GTF3C1: variants seen among roughly 807,000 people sequenced by gnomAD.
GTF3C1 encodes general transcription factor 3C polypeptide 1.
In GTF3C1, 57 loss-of-function variants were observed where a neutral mutation model predicts 226.7. The ratio of observed to expected loss-of-function variants is 0.25; its 90% CI spans 0.20 to 0.31. The LOEUF is 0.31. Ranked by LOEUF, GTF3C1 falls within the 10% of genes least tolerant of loss-of-function variation. The pLI is 1.00. For missense variants in GTF3C1, 2,217 were observed against 2,776.1 expected (o/e 0.80, Z 4.53); for synonymous variants, 1,090 against 1,084.8 (o/e 1.00, Z -0.09).
At position 27,533,369 on chromosome 16, in the gene GTF3C1, G is replaced by C. The variant is rs1567413412; in HGVS notation, c.771C>G (p.Ile257Met). 6.2e-7 allele frequency: 1 copy of C among 1,601,808 alleles called. No individual in the cohort carries two copies. The highest frequency in any genetic ancestry group is 8.6e-7 in the Non-Finnish European group (1 of 1,168,776). ...FHVDRRSKYD[I>M]LMEKLSVMLS... ...GCATGACCGAAAGCTTCTCCATGAG[G>C]ATGTCGTATTTGCTCCTCCTGCAAG... Residue 257 changes from isoleucine to methionine, a missense_variant, in exon 5 of 37, where the codon ATC (isoleucine) becomes ATG (methionine). Coordinates refer to ENST00000356183, the MANE Select transcript of GTF3C1 (RefSeq NM_001520.4).
In GTF3C1 at chr16:27,463,932, G is replaced by A. The variant is rs567505234; in HGVS notation, c.5873-340C>T. 15 of 413,704 alleles carry A rather than the reference G, an allele frequency of 3.6e-5. No homozygotes were observed. The East Asian group carries it at 4.9e-4, about 13-fold the overall frequency. The allele number at this position is 413,704 out of a possible 1,614,324, so 25.6% of individuals were successfully genotyped here. On this transcript the variant is annotated intron_variant, in intron 34 of 36. Transcript: ENST00000356183. This position sits in a 1 kb window ranked among gnomAD's most constrained non-coding sequence, Gnocchi z 4.9. ...AAAACACCCCAAAGAAAACAAAAAC[G>A]CCCAGAGAAGCCACATGAGAAGGCC... is the stretch of plus-strand genomic sequence containing the variant.
chr16:27,491,159 G>C (rs2088227575), intron 19 of GTF3C1, among the ~76,000 whole-genome samples: 1 of 152,126 alleles, frequency 6.6e-6, no homozygotes, highest in Admixed American at 6.5e-5. Flanking sequence ...TATTACTCTT[G>C]GCATTAAATA....
chr16:27,526,404 G>A (rs1273597608), intron 6 of GTF3C1, among the ~76,000 whole-genome samples: 1 of 152,142 alleles, frequency 6.6e-6, no homozygotes, highest in Non-Finnish European at 1.5e-5. Context: ...TCCTATCTCT[G>A]AGCCTAGAAA....
At chr16:27,480,517 G>A (rs750131987) in intron 27 of GTF3C1, among the ~76,000 whole-genome samples, 1 of 152,216 alleles carries the variant, frequency 6.6e-6, no homozygotes, top group Non-Finnish European at 1.5e-5. Flanking sequence ...TTCACAGGCA[G>A]AACTGATGGA....
intron 12 of GTF3C1, among the ~76,000 whole-genome samples, chr16:27,500,763 A>G (rs973291657): frequency 2.0e-5 from 3 of 152,240 alleles, no homozygotes; most frequent in Non-Finnish European, 4.4e-5. Flanking sequence ...TACTGCTCCC[A>G]TCGGATAACC....
intron 25 of GTF3C1, among the ~76,000 whole-genome samples, chr16:27,483,948 G>A (rs924487044): frequency 2.0e-5 from 3 of 152,022 alleles, no homozygotes; most frequent in African/African-American, 7.2e-5. Flanking sequence ...TCTAGTCTCC[G>A]CTTCTTCATC....
intron 2 of GTF3C1, among the ~76,000 whole-genome samples, chr16:27,543,429 T>C (rs2089118335): frequency 6.6e-6 from 1 of 152,120 alleles, no homozygotes; most frequent in Non-Finnish European, 1.5e-5. Flanking sequence ...CACGCTCTAT[T>C]GTCCAGACCG....
In GTF3C1 at chr16:27,495,217, C is replaced by T; in HGVS notation, c.2626G>A (p.Glu876Lys). Residue 876 changes from glutamate to lysine, a missense_variant, in exon 15 of 37, where the codon GAG becomes AAG. By Grantham distance (56) the Glu-to-Lys change is moderately conservative. Transcript: ENST00000356183. ...TWEAEVELAT[E>K]TVYVDDASWM... ...AGTGGCAGGGGCCTCTCACCTGTCT[C>T]CGTGGCAAGCTCCACTTCAGCCTCC... is the stretch of plus-strand genomic sequence containing the variant. The T allele has an allele frequency of 6.2e-7, 1 of 1,609,700 alleles. No homozygotes were observed. The highest frequency in any genetic ancestry group is 8.5e-7 in the Non-Finnish European group (1 of 1,177,388).
chr16:27,469,291 C>T lies in GTF3C1; in HGVS notation c.5074G>A (p.Ala1692Thr). Reference sequence around the variant, plus strand: ...CCACAGCACCAGCAGGAGCACTCACCAGCGGGCCTGAGCCGGGCGGGCACA... The same window carrying T: ...CCACAGCACCAGCAGGAGCACTCACTAGCGGGCCTGAGCCGGGCGGGCACA... ...TPVPARLRPAAAPLEELTMGT... is the reference protein window; with the variant it reads ...TPVPARLRPATAPLEELTMGT... Residue 1692 changes from alanine (A) to threonine (T), a missense_variant and splice_region_variant, in exon 32 of 37, where the codon GCC becomes ACC. By Grantham distance (58) the Ala-to-Thr change is moderately conservative. This residue lies in a region of GTF3C1 where 455 missense variants were observed against 441.9 expected (regional missense o/e 1.03). Coordinates refer to ENST00000356183, the MANE Select transcript of GTF3C1 (RefSeq NM_001520.4). This position sits in a 1 kb window ranked among gnomAD's most constrained non-coding sequence, Gnocchi z 4.5. 1 of 1,556,438 alleles carries T rather than the reference C, an allele frequency of 6.4e-7. No individual in the cohort carries two copies. Among genetic ancestry groups the T allele is most frequent in the Non-Finnish European group, 8.7e-7 (1 of 1,148,618 alleles).
intron 14 of GTF3C1, 93 bp downstream of exon 14, chr16:27,497,544 G>T: frequency 1.0e-6 from 1 of 990,296 alleles, no homozygotes; most frequent in Non-Finnish European, 1.5e-6. Context: ...ACTGCGGCTC[G>T]GAGCTCAAAT....
Position 27,471,687 on chromosome 16 carries a change from C to T in GTF3C1, c.4526+61G>A. The T allele has an allele frequency of 7.4e-7, 1 of 1,354,992 alleles. No homozygotes were observed. Among genetic ancestry groups the T allele is most frequent in the Admixed American group, 1.8e-5 (1 of 56,836 alleles). 83.9% of individuals were successfully genotyped at this position (1,354,992 alleles called of 1,614,324 possible). A position where few individuals can be genotyped will look rare whatever the true frequency, so the allele number is the denominator to read the frequency against. On this transcript the variant is annotated intron_variant, in intron 30 of 36. Transcript: ENST00000356183. The surrounding 1 kb of genome is among the most constrained non-coding windows in gnomAD (Gnocchi z 5.0). ...CATGGCCACAGTGCTTCCTTTGCTC[C>T]TCTTTACAGACAGGGCGTGGCTCCA...
At chr16:27,491,210 T>A (rs911108043) in intron 19 of GTF3C1, among the ~76,000 whole-genome samples, 2 of 152,118 alleles carry the variant, frequency 1.3e-5, no homozygotes, top group African/African-American at 4.8e-5. Flanking sequence ...TTTGCAAAAA[T>A]CAAAGTGTGA....
intron 12 of GTF3C1, among the ~76,000 whole-genome samples, chr16:27,499,195 T>G (rs2088367813): frequency 6.6e-6 from 1 of 152,368 alleles, no homozygotes; most frequent in East Asian, 1.9e-4. Flanking sequence ...ATGGGACTCC[T>G]GCCAGGCACA....
At chr16:27,477,214 T>C (rs532352039) in intron 28 of GTF3C1, among the ~76,000 whole-genome samples, 1 of 152,246 alleles carries the variant, frequency 6.6e-6, no homozygotes, top group East Asian at 1.9e-4. Flanking sequence ...CTCCTCTTCC[T>C]CTGTCCCTTC....
chr16:27,539,405 C>T (rs566091096), intron 2 of GTF3C1, among the ~76,000 whole-genome samples: 1 of 152,320 alleles, frequency 6.6e-6, no homozygotes, highest in African/African-American at 2.4e-5. Flanking sequence ...TGTGCTGACA[C>T]CTAACAGTCT....
rs141707059 is a variant in GTF3C1 at position 27,529,936 on chromosome 16, C to T, written c.850-1215G>A. 3.2e-4 allele frequency among the ~76,000 whole-genome samples: 48 copies of T among 152,340 alleles called. 1 individual carries two copies. Among genetic ancestry groups the T allele is most frequent in the African/African-American group, 8.7e-4 (36 of 41,574 alleles). On this transcript the variant is annotated intron_variant, in intron 5 of 36. Coordinates refer to ENST00000356183, the MANE Select transcript of GTF3C1 (RefSeq NM_001520.4). ...AGGAAAGTTAATTTCTTAAACCTAT[C>T]CTGTATCAAAAATTTATTTTATACA...
At position 27,470,795 on chromosome 16, in the gene GTF3C1, C is replaced by G. The variant is rs2087855906; in HGVS notation, c.4527-400G>C. On this transcript the variant is annotated intron_variant, in intron 30 of 36. Transcript: ENST00000356183. This position sits in a 1 kb window ranked among gnomAD's most constrained non-coding sequence, Gnocchi z 4.9. ...GGTCTTACACATGTGCCCAAGCTGT[C>G]TCCACGCAGTGCCTGGTGAGTCACT... is the stretch of plus-strand genomic sequence containing the variant. The G allele has an allele frequency of 9.6e-6, 2 of 208,836 alleles. No individual in the cohort carries two copies. The highest frequency in any genetic ancestry group is 1.7e-4 in the South Asian group (2 of 11,650). 12.9% of individuals were successfully genotyped at this position (208,836 alleles called of 1,614,324 possible).
At chr16:27,540,890 GAGTAC>G (rs1159935892) in intron 2 of GTF3C1, among the ~76,000 whole-genome samples, 1 of 152,048 alleles carries the variant, frequency 6.6e-6, no homozygotes, top group African/African-American at 2.4e-5. Context: ...GCCCAGGCTG[GAGTAC>G]AGTGACGCGA....
Position 27,469,677 on chromosome 16 carries a change from A to C in GTF3C1, c.4815-127T>G, listed in dbSNP as rs80055039. 1.6e-3 allele frequency: 1,681 copies of C among 1,036,404 alleles called. 19 individuals are homozygous for C. The African/African-American group carries it at 0.024, about 15-fold the overall frequency. The allele number at this position is 1,036,404 out of a possible 1,614,324, so 64.2% of individuals were successfully genotyped here. A position where few individuals can be genotyped will look rare whatever the true frequency, so the allele number is the denominator to read the frequency against. On this transcript the variant is annotated intron_variant, in intron 31 of 36. Transcript: ENST00000356183. The surrounding 1 kb of genome is among the most constrained non-coding windows in gnomAD (Gnocchi z 4.5). ...TGGCCCCAGCAACTGGCTATGCTTC[A>C]TTACCAAGGCTGGTGTGGATGGCTG...
Sources: allele counts gnomAD v4.1 joint callset (sites outside exome capture counted in the v4.1 genomes callset), GRCh38; gene constraint gnomAD v4.1.1; regional missense constraint gnomAD v4.1.1; non-coding constraint Gnocchi (gnomAD v3.1); transcripts MANE v1.5; gene names NCBI Gene and HGNC (gene_info 2026-07-23, HGNC 2026-07-21).